Variants in GARNL3 observed in about 807,000 individuals in gnomAD.
The protein encoded by GARNL3 is GTPase-activating Rap/Ran-GAP domain-like protein 3.
In GARNL3, 63 loss-of-function variants were observed where a neutral mutation model predicts 125.0. That is an observed-to-expected ratio of 0.50 (90% CI 0.41 to 0.62). The LOEUF (loss-of-function observed/expected upper bound fraction) is 0.62. Ranked by LOEUF, GARNL3 falls within the 20% of genes least tolerant of loss-of-function variation. GARNL3 has a pLI of 0.00. For synonymous variants in GARNL3, 439 were observed against 457.5 expected (o/e 0.96, Z 0.52); for missense variants, 994 against 1,244.0 (o/e 0.80, Z 3.02).
intron 14 of GARNL3, among the ~76,000 whole-genome samples, chr9:127,342,831 CAT>C (rs1316304817): frequency 5.9e-5 from 9 of 151,602 alleles, no homozygotes; most frequent in Non-Finnish European, 2.9e-5. Context: ...AGGCCTGAGA[CAT>C]AGCCACACTG....
chr9:127,333,177 C>T, intron 9 of GARNL3, 56 bp downstream of exon 9: 3 of 1,390,572 alleles, frequency 2.2e-6, no homozygotes, highest in South Asian at 2.3e-5. Flanking sequence ...TGTAAGTCAG[C>T]CTGACCCGTG....
intron 10 of GARNL3, 135 bp downstream of exon 10, chr9:127,335,468 C>T (rs577755850): frequency 7.1e-6 from 5 of 702,818 alleles, no homozygotes; most frequent in Non-Finnish European, 1.0e-5. Flanking sequence ...ATGCTTTTGG[C>T]GGTCTGTATT....
intron 1 of GARNL3, among the ~76,000 whole-genome samples, chr9:127,271,414 C>G (rs565724758): frequency 6.7e-6 from 1 of 150,316 alleles, no homozygotes; most frequent in Non-Finnish European, 1.5e-5. Flanking sequence ...TGGCCTAACC[C>G]ATCAAAAATA....
At chr9:127,259,564 G>A (rs1191758544), upstream of GARNL3, among the ~76,000 whole-genome samples, 1 of 152,198 alleles carries the variant, frequency 6.6e-6, no homozygotes, top group East Asian at 1.9e-4. Flanking sequence ...ATGTAGTGCT[G>A]AAGCATGATG....
At chr9:127,299,419 C>T (rs762005711) in intron 2 of GARNL3, among the ~76,000 whole-genome samples, 5 of 151,968 alleles carry the variant, frequency 3.3e-5, no homozygotes, top group Non-Finnish European at 7.4e-5. Flanking sequence ...CTGTGTTTAT[C>T]TGACTTTGGC....
At chr9:127,285,208 G>A (rs974888951) in intron 1 of GARNL3, among the ~76,000 whole-genome samples, 1 of 152,182 alleles carries the variant, frequency 6.6e-6, no homozygotes, top group Non-Finnish European at 1.5e-5. Flanking sequence ...GAGGTGGGCG[G>A]ATCACCTGAG....
chr9:127,355,541 C>T, intron 20 of GARNL3, 69 bp downstream of exon 20: 2 of 1,470,848 alleles, frequency 1.4e-6, no homozygotes, highest in Non-Finnish European at 1.9e-6. Flanking sequence ...TCCTTCCACC[C>T]AGAGTTTGTT....
At chr9:127,344,097 C>A in intron 14 of GARNL3, 138 bp from the exon 15 acceptor site, 2 of 639,170 alleles carry the variant, frequency 3.1e-6, no homozygotes, top group South Asian at 3.8e-5. Context: ...AGCAGGTGCT[C>A]CATCAATGCT....
Position 127,389,050 on chromosome 9 carries a change from A to C in GARNL3, c.2674A>C (p.Thr892Pro). The C allele has an allele frequency of 1.2e-6, 2 of 1,614,114 alleles. No individual in the cohort carries two copies. Among genetic ancestry groups the C allele is most frequent in the African/African-American group, 1.3e-5 (1 of 75,008 alleles). ...TGTGGGCCTTGCTGCCATTCCAGTCACGCACTCCTTGTCCCTGTCTCGCAT... is the reference window on the plus strand; with the variant it reads ...TGTGGGCCTTGCTGCCATTCCAGTCCCGCACTCCTTGTCCCTGTCTCGCAT... ...ISVGLAAIPV[T>P]HSLSLSRMEI... The change falls in exon 26 of 28, where the codon ACG (threonine) becomes CCG (proline). Residue 892 changes from threonine (T) to proline (P), a missense_variant. Transcript: ENST00000373387.
At chr9:127,248,596 CTTTTTT>C (rs745331884) in intron 2 of GARNL3, among the ~76,000 whole-genome samples, 11 of 74,570 alleles carry the variant, frequency 1.5e-4, no homozygotes, top group Admixed American at 3.3e-4. Flanking sequence ...TTTTTCTTTT[CTTTTTT>C]TTTTTTTTTT....
intron 22 of GARNL3, among the ~76,000 whole-genome samples, chr9:127,378,850 A>G (rs1832087190): frequency 6.6e-6 from 1 of 152,106 alleles, no homozygotes; most frequent in Non-Finnish European, 1.5e-5. Context: ...ATCTCAGCTC[A>G]CTGCAACCTC....
chr9:127,314,654 C>T (rs965794144), intron 4 of GARNL3, among the ~76,000 whole-genome samples: 1 of 151,886 alleles, frequency 6.6e-6, no homozygotes, highest in Non-Finnish European at 1.5e-5. Flanking sequence ...TCTTCTTCCT[C>T]CAGGAAGTAG....
At chr9:127,387,925 C>T (rs1365809601) in intron 25 of GARNL3, among the ~76,000 whole-genome samples, 5 of 152,008 alleles carry the variant, frequency 3.3e-5, no homozygotes, top group African/African-American at 4.8e-5. Flanking sequence ...GCAGATGGAT[C>T]GCTTGAGCCC....
rs768776593 is a variant in GARNL3 at position 127,388,890 on chromosome 9, A to G, written c.2528-14A>G. 1 of 1,477,958 alleles carries G rather than the reference A, an allele frequency of 6.8e-7. No homozygotes were observed. The highest frequency in any genetic ancestry group is 9.5e-7 in the Non-Finnish European group (1 of 1,055,822). 91.6% of individuals were successfully genotyped at this position (1,477,958 alleles called of 1,614,324 possible). A position where few individuals can be genotyped will look rare whatever the true frequency, so the allele number is the denominator to read the frequency against. On this transcript the variant is annotated splice_polypyrimidine_tract_variant and intron_variant, in intron 25 of 27. Transcript: ENST00000373387. Reference sequence around the variant, plus strand: ...TCTTAAAGTTCTGATGTTCTTTTTGAAATCACATTTCAGGTGAAATTCAAT... The same window carrying G: ...TCTTAAAGTTCTGATGTTCTTTTTGGAATCACATTTCAGGTGAAATTCAAT...
chr9:127,318,033 G>T, intron 4 of GARNL3, 30 bp from the exon 5 acceptor site: 1 of 1,382,398 alleles, frequency 7.2e-7, no homozygotes, highest in Non-Finnish European at 1.0e-6. Context: ...TGTAGAACTT[G>T]TCACTGATTT....
chr9:127,378,516 G>A (rs1832057752), intron 22 of GARNL3, among the ~76,000 whole-genome samples: 1 of 150,828 alleles, frequency 6.6e-6, no homozygotes, highest in South Asian at 2.1e-4. Context: ...GAACCCAGGA[G>A]GCGGAGGTTG....
In GARNL3 at chr9:127,264,930, T is replaced by C; in HGVS notation, c.53T>C (p.Leu18Pro). 6.2e-7 allele frequency: 1 copy of C among 1,613,404 alleles called. No homozygotes were observed. Among genetic ancestry groups the C allele is most frequent in the Non-Finnish European group, 8.5e-7 (1 of 1,179,640 alleles). ...GTGGCCAGATCGCTATGTATAATAC[T>C]GATGAAGCATTTTTGTTCCAGCTCT... ...RFVARSLCII[L>P]MKHFCSSSVS... Residue 18 changes from leucine (L) to proline (P), a missense_variant, in exon 1 of 28, where the codon CTG becomes CCG. Coordinates refer to ENST00000373387, the MANE Select transcript of GARNL3 (RefSeq NM_032293.5).
intron 1 of GARNL3, among the ~76,000 whole-genome samples, chr9:127,265,723 T>G (rs371009646): frequency 6.6e-6 from 1 of 152,224 alleles, no homozygotes; most frequent in Non-Finnish European, 1.5e-5. Context: ...TAAAATTATA[T>G]TGATTATTAT....
At chr9:127,379,028 TTGGC>T (rs1832100305) in intron 22 of GARNL3, among the ~76,000 whole-genome samples, 1 of 152,220 alleles carries the variant, frequency 6.6e-6, no homozygotes. Flanking sequence ...TCTGCCCGCC[TTGGC>T]CTCCCAAAGT....
Sources: gnomAD v4.1 joint callset for allele counts (sites outside exome capture counted in the v4.1 genomes callset) on GRCh38, gnomAD v4.1.1 for gene constraint, MANE v1.5 for transcripts, NCBI Gene and HGNC (gene_info 2026-07-23, HGNC 2026-07-21) for gene names.